ITGB1BP1: variants seen among roughly 807,000 people sequenced by gnomAD.
ITGB1BP1 encodes integrin beta-1-binding protein 1.
In ITGB1BP1, 20 loss-of-function variants were observed where a neutral mutation model predicts 28.0. The ratio of observed to expected loss-of-function variants is 0.71; its 90% CI spans 0.50 to 1.04. ITGB1BP1 has a LOEUF of 1.04. ITGB1BP1 is among the 50% of genes least tolerant of loss of function. The pLI is 0.00. For synonymous variants in ITGB1BP1, 103 were observed against 89.5 expected, an observed-to-expected ratio of 1.15 and a Z score of -0.85; for missense variants, 228 against 242.5, an observed-to-expected ratio of 0.94 and a Z score of 0.40.
chr2:9,423,530 C>G, upstream of ITGB1BP1: 1 of 1,167,148 alleles, frequency 8.6e-7, no homozygotes, highest in Non-Finnish European at 1.1e-6. Context: ...CAAGACTATG[C>G]GCAGGCGCAG....
intron 6 of ITGB1BP1, 89 bp from the exon 7 acceptor site, chr2:9,406,994 C>G: frequency 1.1e-6 from 1 of 938,336 alleles, no homozygotes; most frequent in Non-Finnish European, 1.8e-6. Flanking sequence ...ACCTGACCCT[C>G]TTAAGACCTC....
Position 9,406,903 on chromosome 2 carries a change from T to A in ITGB1BP1, c.534A>T (p.Glu178Asp). 6.2e-7 allele frequency: 1 copy of A among 1,609,440 alleles called. No homozygotes were observed. Among genetic ancestry groups the A allele is most frequent in the Non-Finnish European group, 8.5e-7 (1 of 1,175,686 alleles). ...AAACCTTGCAAATGGCTTGTGCTTG[T>A]TCCTACATTACATGAAAGATAGAGT... ...SLWVYQCNSL[E>D]QAQAICKVLS... The change falls in exon 7 of 7, where the codon GAA (glutamate) becomes GAT (aspartate). Residue 178 changes from glutamate (E) to aspartate (D), a missense_variant and splice_region_variant. By Grantham distance (45) the Glu-to-Asp change is conservative. Around this residue, in one of 2 missense-constraint regions of ITGB1BP1, gnomAD observed 192 missense variants for 181.6 expected, o/e 1.06. Transcript: ENST00000355346.
intron 1 of ITGB1BP1, chr2:9,420,089 G>A: frequency 3.1e-6 from 3 of 977,300 alleles, no homozygotes; most frequent in Non-Finnish European, 2.4e-6. Context: ...GCTTTTCAGA[G>A]AAACTACGCA....
intron 4 of ITGB1BP1, among the ~76,000 whole-genome samples, chr2:9,411,402 TAAATAGG>T (rs979480281): frequency 2.0e-5 from 3 of 152,170 alleles, no homozygotes; most frequent in Non-Finnish European, 4.4e-5. Flanking sequence ...GCTCCTCATT[TAAATAGG>T]ATTGATCAGC....
intron 4 of ITGB1BP1, chr2:9,412,064 G>T: frequency 1.5e-4 from 51 of 349,046 alleles, no homozygotes; most frequent in Non-Finnish European, 1.8e-4. Context: ...AAAAAAAAAA[G>T]TACCGTGTTT....
chr2:9,408,828 A>G (rs1312712677), intron 4 of ITGB1BP1, among the ~76,000 whole-genome samples: 1 of 152,162 alleles, frequency 6.6e-6, no homozygotes, highest in Admixed American at 6.5e-5. Flanking sequence ...CATCCCTTTC[A>G]TGCATATTGT....
chr2:9,417,906 C>T (rs1025066303), intron 2 of ITGB1BP1, among the ~76,000 whole-genome samples: 5 of 152,182 alleles, frequency 3.3e-5, no homozygotes, highest in African/African-American at 4.8e-5. Flanking sequence ...TTTCTTCCCT[C>T]TCCCTAACTG....
In ITGB1BP1 at chr2:9,415,418, C is replaced by T. The variant is rs1678997833; in HGVS notation, c.73-1162G>A. Among the ~76,000 whole-genome samples the T allele has an allele frequency of 6.6e-6, 1 of 151,116 alleles. No homozygotes were observed. On this transcript the variant is annotated intron_variant, in intron 2 of 6. Transcript: ENST00000355346. This position sits in a 1 kb window ranked among gnomAD's most constrained non-coding sequence, Gnocchi z 4.1. ...AAAAACACACACACAAAAAAAAACA[C>T]AACAATACAAAAATTAGCCAGGCTT...
Position 9,405,196 on chromosome 2 carries a change from C to T in ITGB1BP1, c.*1638G>A, listed in dbSNP as rs1677113680. On this transcript the variant is annotated 3_prime_UTR_variant, in exon 7 of 7. Coordinates refer to ENST00000355346, the MANE Select transcript of ITGB1BP1 (RefSeq NM_004763.5). ...ACAATTTGGTGCTATTGTGCAGTAA[C>T]TAATAGTACTCTTACCAGAGGAGAA... The T allele has an allele frequency of 6.6e-6, 1 of 152,180 alleles. No individual in the cohort carries two copies. Among genetic ancestry groups the T allele is most frequent in the Non-Finnish European group, 1.5e-5 (1 of 68,036 alleles). The allele number at this position is 152,180 out of a possible 1,614,324, so 9.4% of individuals were successfully genotyped here. A position where few individuals can be genotyped will look rare whatever the true frequency, so the allele number is the denominator to read the frequency against.
In ITGB1BP1 at chr2:9,406,744, A is replaced by G; in HGVS notation, c.*90T>C. The G allele has an allele frequency of 1.1e-6, 1 of 887,964 alleles. No individual in the cohort carries two copies. The highest frequency in any genetic ancestry group is 1.9e-6 in the Non-Finnish European group (1 of 521,514). The allele number at this position is 887,964 out of a possible 1,614,324, so 55.0% of individuals were successfully genotyped here. ...TTCTTCAGAAAATCTAGAGCAAGGG[A>G]TAACTTCATTATTTGCATAACATTT... On this transcript the variant is annotated 3_prime_UTR_variant, in exon 7 of 7. Transcript: ENST00000355346.
chr2:9,412,593 T>C (rs1047141124), intron 3 of ITGB1BP1, 188 bp from the exon 4 acceptor site: 7 of 545,978 alleles, frequency 1.3e-5, no homozygotes, highest in African/African-American at 9.5e-5. Context: ...CCTCAGTGAC[T>C]CATGGTATAC....
chr2:9,415,000 T>C (rs1678935368), intron 2 of ITGB1BP1, among the ~76,000 whole-genome samples: 2 of 152,126 alleles, frequency 1.3e-5, no homozygotes, highest in Admixed American at 6.5e-5. Context: ...TCTCAGTACT[T>C]TGGGAGGCTG....
intron 2 of ITGB1BP1, among the ~76,000 whole-genome samples, chr2:9,417,142 T>A (rs1286763621): frequency 3.3e-5 from 5 of 151,960 alleles, no homozygotes; most frequent in Admixed American, 3.3e-4. Context: ...ATTCTGTCAC[T>A]CCCTGGCCCC....
In ITGB1BP1 at chr2:9,418,614, C is replaced by G; in HGVS notation, c.72+12G>C. The stretch of plus-strand genomic sequence containing the variant: ...CTGCTTTATGATTCTGTTCCAAATT[C>G]CATTTCCCTACCTTGCTCTTAGTAC... On this transcript the variant is annotated intron_variant, in intron 2 of 6. Coordinates refer to ENST00000355346, the MANE Select transcript of ITGB1BP1 (RefSeq NM_004763.5). 1 of 1,560,126 alleles carries G rather than the reference C, an allele frequency of 6.4e-7. No individual in the cohort carries two copies.
At position 9,415,683 on chromosome 2, in the gene ITGB1BP1, G is replaced by A. The variant is rs1679039964; in HGVS notation, c.73-1427C>T. The stretch of plus-strand genomic sequence containing the variant: ...AGTGGCAGTAGGGAGGTTCTGTGTT[G>A]AGCAGCTCCAGGAGTTCAAAAACTT... On this transcript the variant is annotated intron_variant, in intron 2 of 6. Transcript: ENST00000355346. The surrounding 1 kb of genome is among the most constrained non-coding windows in gnomAD (Gnocchi z 4.1). 6.6e-6 allele frequency among the ~76,000 whole-genome samples: 1 copy of A among 152,202 alleles called. No homozygotes were observed. The highest frequency in any genetic ancestry group is 2.4e-5 in the African/African-American group (1 of 41,436).
At chr2:9,419,997 T>C (rs1252521423) in intron 1 of ITGB1BP1, 15 of 918,660 alleles carry the variant, frequency 1.6e-5, no homozygotes, top group African/African-American at 3.6e-5. Context: ...TACTATAGAA[T>C]TGAACACTAT....
Position 9,408,214 on chromosome 2 carries a change from TA to T in ITGB1BP1, c.289-10del. On this transcript the variant is annotated splice_polypyrimidine_tract_variant and intron_variant, in intron 4 of 6. Transcript: ENST00000355346. Reference sequence around the variant, plus strand: ...GGCAACTTTCCATCTTGCTTTAAAGTAAAAATAAATTCCATGATAAAGATTA... The same window carrying T: ...GGCAACTTTCCATCTTGCTTTAAAGTAAAATAAATTCCATGATAAAGATTA... 1 of 1,473,488 alleles carries T rather than the reference TA, an allele frequency of 6.8e-7. No homozygotes were observed. Among genetic ancestry groups the T allele is most frequent in the Non-Finnish European group, 9.5e-7 (1 of 1,054,868 alleles). The allele number at this position is 1,473,488 out of a possible 1,614,324, so 91.3% of individuals were successfully genotyped here. A position where few individuals can be genotyped will look rare whatever the true frequency, so the allele number is the denominator to read the frequency against.
chr2:9,415,286 G>A lies in ITGB1BP1; in HGVS notation c.73-1030C>T, dbSNP rs1229708328. 6.6e-6 allele frequency among the ~76,000 whole-genome samples: 1 copy of A among 152,168 alleles called. No individual in the cohort carries two copies. Among genetic ancestry groups the A allele is most frequent in the East Asian group, 1.9e-4 (1 of 5,198 alleles). On this transcript the variant is annotated intron_variant, in intron 2 of 6. Coordinates refer to ENST00000355346, the MANE Select transcript of ITGB1BP1 (RefSeq NM_004763.5). This position sits in a 1 kb window ranked among gnomAD's most constrained non-coding sequence, Gnocchi z 4.1. ...CCTAGCTACTCGGGAGGCTGAGGCA[G>A]GAGAATAGCTTGAACCCAGGAGGTG...
intron 1 of ITGB1BP1, among the ~76,000 whole-genome samples, chr2:9,419,621 A>T (rs11689078): frequency 6.6e-6 from 1 of 152,062 alleles, no homozygotes; most frequent in African/African-American, 2.4e-5. Context: ...TAATAAATGC[A>T]TTGGAAACTA....
Sources: allele counts gnomAD v4.1 joint callset (sites outside exome capture counted in the v4.1 genomes callset), GRCh38; gene constraint gnomAD v4.1.1; regional missense constraint gnomAD v4.1.1; non-coding constraint Gnocchi (gnomAD v3.1); transcripts MANE v1.5; gene names NCBI Gene and HGNC (gene_info 2026-07-23, HGNC 2026-07-21).